Variants in DYNC1H1 observed in about 807,000 individuals in gnomAD.
The protein encoded by DYNC1H1 is dynein cytoplasmic 1 heavy chain 1, also known as cytoplasmic dynein 1 heavy chain 1.
DYNC1H1 carries 51 observed loss-of-function variants against 527.1 expected under a neutral mutation model. The ratio of observed to expected loss-of-function variants is 0.10; its 90% CI spans 0.08 to 0.12. The LOEUF is 0.12. Ranked by LOEUF, DYNC1H1 falls within the 10% of genes least tolerant of loss-of-function variation. DYNC1H1 has a pLI of 1.00. For synonymous variants in DYNC1H1, 2,189 were observed against 2,278.8 expected (o/e 0.96, Z 1.12); for missense variants, 2,771 against 5,971.8 (o/e 0.46, Z 17.66).
At position 102,041,426 on chromosome 14, in the gene DYNC1H1, C is replaced by G. The variant is rs2152596191; in HGVS notation, c.11942-148C>G. 1.6e-6 allele frequency: 2 copies of G among 1,271,510 alleles called. No homozygotes were observed. Among genetic ancestry groups the G allele is most frequent in the Admixed American group, 3.4e-5 (2 of 59,122 alleles). The allele number at this position is 1,271,510 out of a possible 1,614,324, so 78.8% of individuals were successfully genotyped here. A position where few individuals can be genotyped will look rare whatever the true frequency, so the allele number is the denominator to read the frequency against. ...TCCAGAGGGCTCACGGAAGGCACAGCAGATGTGGCTGAATTTCCTGATTTG... is the reference window on the plus strand; with the variant it reads ...TCCAGAGGGCTCACGGAAGGCACAGGAGATGTGGCTGAATTTCCTGATTTG... On this transcript the variant is annotated intron_variant, in intron 64 of 77. Transcript: ENST00000360184. This position sits in a 1 kb window ranked among gnomAD's most constrained non-coding sequence, Gnocchi z 4.5.
chr14:101,984,443 A>ATTTTTTTTT, intron 7 of DYNC1H1, among the ~76,000 whole-genome samples: 1 of 113,484 alleles, frequency 8.8e-6, no homozygotes, highest in South Asian at 2.6e-4. Context: ...ATATATATAT[A>ATTTTTTTTT]TATTATATTT....
intron 56 of DYNC1H1, 169 bp downstream of exon 56, chr14:102,034,621 T>C (rs2048550211): frequency 2.7e-6 from 3 of 1,098,906 alleles, no homozygotes; most frequent in South Asian, 2.7e-5. Context: ...GTTCTCGTTA[T>C]TGTCAAGTGT....
rs377242217 is a variant in DYNC1H1, at chr14:102,015,206, C to G, written c.7116C>G (p.Asp2372Glu). The G allele has an allele frequency of 6.2e-7, 1 of 1,614,230 alleles. No individual in the cohort carries two copies. Among genetic ancestry groups the G allele is most frequent in the Non-Finnish European group, 8.5e-7 (1 of 1,180,050 alleles). ...VWFSEDVLSTDMIFNNFLARL... is the reference protein window; with the variant it reads ...VWFSEDVLSTEMIFNNFLARL... ...TCAGTGAGGATGTGCTGAGCACCGA[C>G]ATGATCTTCAACAACTTCCTGGCCA... The change falls in exon 35 of 78, where the codon GAC (aspartate) becomes GAG (glutamate). Residue 2372 changes from aspartate (D) to glutamate (E), a missense_variant. Around this residue, in one of 32 missense-constraint regions of DYNC1H1, gnomAD observed 122 missense variants for 168.4 expected, o/e 0.72. Coordinates refer to ENST00000360184, the MANE Select transcript of DYNC1H1 (RefSeq NM_001376.5). This position sits in a 1 kb window ranked among gnomAD's most constrained non-coding sequence, Gnocchi z 6.9.
At chr14:102,000,597 G>A (rs983223038) in intron 18 of DYNC1H1, 198 bp downstream of exon 18, 8 of 541,452 alleles carry the variant, frequency 1.5e-5, no homozygotes, top group African/African-American at 1.2e-4. Flanking sequence ...TTTTTGAGAC[G>A]GAGTTTCGCT....
intron 72 of DYNC1H1, chr14:102,047,562 CACAT>C: frequency 3.7e-6 from 1 of 272,546 alleles, no homozygotes; most frequent in Non-Finnish European, 6.8e-6. Context: ...CACACACACA[CACAT>C]ATATATATAC....
chr14:101,968,933 C>T (rs1276286185), intron 1 of DYNC1H1, among the ~76,000 whole-genome samples: 1 of 152,204 alleles, frequency 6.6e-6, no homozygotes, highest in African/African-American at 2.4e-5. Flanking sequence ...CAACATATCA[C>T]CATGATTTCG....
intron 1 of DYNC1H1, among the ~76,000 whole-genome samples, chr14:101,973,255 T>C (rs1012870534): frequency 4.0e-5 from 6 of 151,122 alleles, no homozygotes; most frequent in Non-Finnish European, 7.4e-5. Context: ...ACCTCCCAGG[T>C]TGAAGCAATT....
In DYNC1H1 at chr14:102,038,685, C is replaced by A; in HGVS notation, c.11056-13C>A. On this transcript the variant is annotated splice_polypyrimidine_tract_variant and intron_variant, in intron 58 of 77. Coordinates refer to ENST00000360184, the MANE Select transcript of DYNC1H1 (RefSeq NM_001376.5). This position sits in a 1 kb window ranked among gnomAD's most constrained non-coding sequence, Gnocchi z 7.2. ...TGGATTAAGACAGACTGTTCTGTTA[C>A]CTATTTTGGCAGGTCGAGTTCCCAC... 2 of 1,614,200 alleles carry A rather than the reference C, an allele frequency of 1.2e-6. No individual in the cohort carries two copies. Among genetic ancestry groups the A allele is most frequent in the Non-Finnish European group, 8.5e-7 (1 of 1,180,036 alleles).
At chr14:102,040,566 C>T in intron 63 of DYNC1H1, 32 bp from the exon 64 acceptor site, 1 of 1,613,916 alleles carries the variant, frequency 6.2e-7, no homozygotes, top group Non-Finnish European at 8.5e-7. Context: ...GCCAGCCCTG[C>T]TCCATGGGTG....
In DYNC1H1 at chr14:102,042,371, T is replaced by C. The variant is rs747431678; in HGVS notation, c.12276-13T>C. 6.2e-7 allele frequency: 1 copy of C among 1,614,144 alleles called. No individual in the cohort carries two copies. Among genetic ancestry groups the C allele is most frequent in the Admixed American group, 1.7e-5 (1 of 60,004 alleles). ...GCCTGGCATGCTGTGTGACTCTCAC[T>C]TTGTGTGTGCAGGTGGGTGATGCTG... On this transcript the variant is annotated splice_polypyrimidine_tract_variant and intron_variant, in intron 67 of 77. Transcript: ENST00000360184. The surrounding 1 kb of genome is among the most constrained non-coding windows in gnomAD (Gnocchi z 5.7).
rs767574253 is a variant in DYNC1H1, at chr14:102,001,291, G to A, written c.4332G>A (p.Ala1444=). Residue 1444 remains alanine, a synonymous_variant, in exon 20 of 78, where the codon GCG becomes GCA. Transcript: ENST00000360184. This position sits in a 1 kb window ranked among gnomAD's most constrained non-coding sequence, Gnocchi z 5.0. ...ATGTTGACTTGCAGAAAAATGAAGC[G>A]ATTGTCAAGGATGTACTGCTTGTGG... ...IWDVDLQKNE[A]IVKDVLLVAQ... is the part of the protein sequence containing the mutation. The A allele has an allele frequency of 1.5e-5, 24 of 1,614,176 alleles. 1 individual carries two copies. The highest frequency in any genetic ancestry group is 1.4e-4 in the South Asian group (13 of 91,084).
intron 12 of DYNC1H1, 133 bp from the exon 13 acceptor site, chr14:101,994,540 G>C: frequency 7.4e-7 from 1 of 1,356,018 alleles, no homozygotes; most frequent in Non-Finnish European, 1.0e-6. Flanking sequence ...AAAATTCTGA[G>C]AGTCTGAAGT....
At chr14:102,032,630 G>T in intron 52 of DYNC1H1, 163 bp downstream of exon 52, 2 of 927,742 alleles carry the variant, frequency 2.2e-6, no homozygotes. Flanking sequence ...GGCAGGTGAA[G>T]TGCTTGAGCC....
In DYNC1H1 at chr14:101,983,527, A is replaced by G; in HGVS notation, c.1379A>G (p.Gln460Arg). The G allele has an allele frequency of 6.2e-7, 1 of 1,614,214 alleles. No homozygotes were observed. Among genetic ancestry groups the G allele is most frequent in the Non-Finnish European group, 8.5e-7 (1 of 1,180,044 alleles). ...ATCAACCCTGCCCACAGGAAGCTGC[A>G]GGCCCGCCTTGACCAGATGAGAAAA... ...WRINPAHRKLQARLDQMRKFR... is the reference protein window; with the variant it reads ...WRINPAHRKLRARLDQMRKFR... The change falls in exon 7 of 78, where the codon CAG becomes CGG. Residue 460 changes from glutamine (Q) to arginine (R), a missense_variant. Physicochemically the swap from Gln to Arg is conservative, Grantham distance 43. This residue lies in a region of DYNC1H1 where 264 missense variants were observed against 619.4 expected (regional missense o/e 0.43). Coordinates refer to ENST00000360184, the MANE Select transcript of DYNC1H1 (RefSeq NM_001376.5). The surrounding 1 kb of genome is among the most constrained non-coding windows in gnomAD (Gnocchi z 5.3).
chr14:102,009,573 T>C, intron 29 of DYNC1H1: 1 of 472,728 alleles, frequency 2.1e-6, no homozygotes, highest in Non-Finnish European at 3.9e-6. Context: ...CACTCAGGTG[T>C]GGTGTTGCCC....
At position 102,015,080 on chromosome 14, in the gene DYNC1H1, A is replaced by T; in HGVS notation, c.7015-25A>T. Reference sequence around the variant, plus strand: ...GGTTTCTTCCAAACCTATGTCATTAAATCTGCTTAATGTTTTCTTTCAAGG... The same window carrying T: ...GGTTTCTTCCAAACCTATGTCATTATATCTGCTTAATGTTTTCTTTCAAGG... On this transcript the variant is annotated intron_variant, in intron 34 of 77. Transcript: ENST00000360184. The surrounding 1 kb of genome is among the most constrained non-coding windows in gnomAD (Gnocchi z 6.9). 6.2e-7 allele frequency: 1 copy of T among 1,613,442 alleles called. No homozygotes were observed. Among genetic ancestry groups the T allele is most frequent in the Non-Finnish European group, 8.5e-7 (1 of 1,179,398 alleles).
chr14:102,013,248 CAAAAAAAAAAA>C (rs57229386), intron 34 of DYNC1H1, among the ~76,000 whole-genome samples: 12 of 41,314 alleles, frequency 2.9e-4, no homozygotes, highest in South Asian at 2.1e-3. Context: ...GACTCCGTCT[CAAAAAAAAAAA>C]AAAAAAAAAA....
At position 102,049,872 on chromosome 14, in the gene DYNC1H1, C is replaced by T. The variant is rs774109669; in HGVS notation, c.13674C>T (p.Phe4558=). 8.7e-6 allele frequency: 14 copies of T among 1,613,786 alleles called. No individual in the cohort carries two copies. The highest frequency in any genetic ancestry group is 6.7e-5 in the Admixed American group (4 of 60,008). ...GCGCCACCCTTGACGCTTGCAGCTT[C>T]GGAGTCACGGGTGAGTGGAGTCTCA... ...SQGATLDACS[F]GVTGLKLQGA... The change falls in exon 76 of 78, where the codon TTC becomes TTT. Residue 4558 remains phenylalanine (F), a synonymous_variant. Coordinates refer to ENST00000360184, the MANE Select transcript of DYNC1H1 (RefSeq NM_001376.5). The surrounding 1 kb of genome is among the most constrained non-coding windows in gnomAD (Gnocchi z 5.5).
At chr14:102,046,717 T>G (rs2048724471) in intron 72 of DYNC1H1, among the ~76,000 whole-genome samples, 1 of 152,134 alleles carries the variant, frequency 6.6e-6, no homozygotes, top group Non-Finnish European at 1.5e-5. Context: ...CGGCCGGGGC[T>G]TGGCCCAGGT....
Sources: allele counts gnomAD v4.1 joint callset (sites outside exome capture counted in the v4.1 genomes callset), GRCh38; gene constraint gnomAD v4.1.1; regional missense constraint gnomAD v4.1.1; non-coding constraint Gnocchi (gnomAD v3.1); transcripts MANE v1.5; gene names NCBI Gene and HGNC (gene_info 2026-07-23, HGNC 2026-07-21).